The following SPATA7 variants were observed in gnomAD, a reference collection of about 807,000 sequenced individuals.
SPATA7 encodes the protein spermatogenesis-associated protein 7.
Under a neutral mutation model 51.8 loss-of-function variants are expected in SPATA7, and 43 were observed. The ratio of observed to expected loss-of-function variants is 0.83; its 90% CI spans 0.65 to 1.07. The LOEUF (loss-of-function observed/expected upper bound fraction) is 1.07, where lower values mean the gene tolerates loss of function less well. SPATA7 is among the 50% of genes least tolerant of loss of function. SPATA7 has a pLI of 0.00. For missense variants in SPATA7, 683 were observed against 701.3 expected (o/e 0.97, Z 0.30); for synonymous variants, 230 against 252.8 (o/e 0.91, Z 0.86).
chr14:88,446,105 C>A (rs1436586799), intron 3 of SPATA7, among the ~76,000 whole-genome samples: 1 of 152,156 alleles, frequency 6.6e-6, no homozygotes, highest in African/African-American at 2.4e-5. Context: ...GGCTGTGAAT[C>A]CATCTGGTCC....
At chr14:88,412,094 A>G (rs2076356582) in intron 4 of SPATA7, among the ~76,000 whole-genome samples, 1 of 151,512 alleles carries the variant, frequency 6.6e-6, no homozygotes, top group Admixed American at 6.6e-5. Context: ...TTGTGATTTT[A>G]TTTGCATTTC....
chr14:88,386,084 C>T, intron 1 of SPATA7: 10 of 1,392,486 alleles, frequency 7.2e-6, no homozygotes, highest in South Asian at 1.5e-5. Flanking sequence ...CCCCTGTCTC[C>T]TGAACTCAGG....
At chr14:88,451,202 TC>T (rs1326705047) in intron 3 of SPATA7, among the ~76,000 whole-genome samples, 2 of 152,194 alleles carry the variant, frequency 1.3e-5, no homozygotes, top group African/African-American at 2.4e-5. Context: ...GGAGATTCAC[TC>T]TTGTCGCCCA....
At chr14:88,416,190 G>C (rs889961810) in intron 4 of SPATA7, 6 of 154,542 alleles carry the variant, frequency 3.9e-5, no homozygotes, top group African/African-American at 1.4e-4. Context: ...TGCAAGAACA[G>C]TCTAACACAC....
At position 88,468,084 on chromosome 14, in the gene SPATA7, T is replaced by C. The variant is rs758790616; in HGVS notation, c.255-1763T>C. 2.5e-6 allele frequency: 4 copies of C among 1,598,130 alleles called. No individual in the cohort carries two copies. In the Admixed American group the frequency reaches 6.9e-5, roughly 27 times the overall value. On this transcript the variant is annotated intron_variant, in intron 4 of 4. Coordinates refer to the SPATA7 transcript ENST00000556406. ...AAGTATGAGTTAGGCAAGCGCTTTTTTTTTAAGCTGTAAACGCTTCACATG... is the reference window on the plus strand; with the variant it reads ...AAGTATGAGTTAGGCAAGCGCTTTTCTTTTAAGCTGTAAACGCTTCACATG...
chr14:88,442,850 C>T (rs112788894), downstream of SPATA7, among the ~76,000 whole-genome samples: 33,077 of 151,594 alleles, frequency 0.22, 3,872 homozygotes, highest in East Asian at 0.3. Context: ...GAATAGTGTC[C>T]ATAGGATTGG....
intron 4 of SPATA7, among the ~76,000 whole-genome samples, chr14:88,408,094 C>CT (rs1006809646): frequency 2.6e-5 from 4 of 151,934 alleles, no homozygotes; most frequent in Non-Finnish European, 4.4e-5. Flanking sequence ...TATACGGGCC[C>CT]TTTTTTTGGT....
chr14:88,409,091 G>T (rs80161330), intron 4 of SPATA7, among the ~76,000 whole-genome samples: 5,359 of 152,016 alleles, frequency 0.035, 310 homozygotes, highest in African/African-American at 0.12. Flanking sequence ...CTCTGCCAGG[G>T]TTTGGTATCA....
At chr14:88,392,192 T>C (rs900593340) in intron 2 of SPATA7, among the ~76,000 whole-genome samples, 23 of 152,198 alleles carry the variant, frequency 1.5e-4, no homozygotes, top group Admixed American at 1.3e-4. Flanking sequence ...AATGATAAAC[T>C]TTAAAAACTA....
intron 3 of SPATA7, among the ~76,000 whole-genome samples, chr14:88,452,581 G>A (rs2077258753): frequency 6.6e-6 from 1 of 152,104 alleles, no homozygotes; most frequent in Non-Finnish European, 1.5e-5. Flanking sequence ...AATTCTCTTG[G>A]CTTTCCTGGT....
intron 3 of SPATA7, among the ~76,000 whole-genome samples, chr14:88,449,361 C>T (rs2077235420): frequency 6.6e-6 from 1 of 152,148 alleles, no homozygotes; most frequent in South Asian, 2.1e-4. Flanking sequence ...GGTTATTGTA[C>T]TTCCATTTAT....
At chr14:88,424,791 G>A (rs1285160778) in intron 5 of SPATA7, among the ~76,000 whole-genome samples, 1 of 152,078 alleles carries the variant, frequency 6.6e-6, no homozygotes, top group Non-Finnish European at 1.5e-5. Context: ...ATACTTACTT[G>A]CTTTGAGTAA....
intron 4 of SPATA7, among the ~76,000 whole-genome samples, chr14:88,412,735 C>T (rs889401729): frequency 6.6e-6 from 1 of 152,172 alleles, no homozygotes; most frequent in Non-Finnish European, 1.5e-5. Context: ...CAAATATATT[C>T]TCCCATTCTG....
At chr14:88,460,381 C>T (rs1595321198) in intron 4 of SPATA7, among the ~76,000 whole-genome samples, 1 of 147,810 alleles carries the variant, frequency 6.8e-6, no homozygotes, top group East Asian at 2.0e-4. Flanking sequence ...CACATAGTCC[C>T]ATATTTCTTG....
chr14:88,395,972 C>T (rs1018943706), intron 3 of SPATA7, among the ~76,000 whole-genome samples, 184 bp from the exon 4 acceptor site: 23 of 151,960 alleles, frequency 1.5e-4, no homozygotes, highest in African/African-American at 5.6e-4. Context: ...CTAGTATTTT[C>T]TTCTGCAGTA....
intron 3 of SPATA7, chr14:88,455,015 A>G (rs983812919): frequency 4.4e-6 from 2 of 453,306 alleles, no homozygotes; most frequent in Middle Eastern, 3.3e-4. Flanking sequence ...CTGACTCAAA[A>G]TATTTAGATC....
At chr14:88,424,140 C>T (rs893414909) in intron 5 of SPATA7, among the ~76,000 whole-genome samples, 1 of 152,086 alleles carries the variant, frequency 6.6e-6, no homozygotes, top group Non-Finnish European at 1.5e-5. Context: ...ATTGATGAAC[C>T]CTTTTCTGAT....
At chr14:88,414,664 C>T in intron 4 of SPATA7, 1 of 405,602 alleles carries the variant, frequency 2.5e-6, no homozygotes, top group Non-Finnish European at 4.8e-6. Flanking sequence ...TTTCTGTCTT[C>T]TTGATGTAGG....
chr14:88,398,571 T>C (rs1391227423), intron 4 of SPATA7, among the ~76,000 whole-genome samples: 2 of 151,396 alleles, frequency 1.3e-5, no homozygotes, highest in East Asian at 2.0e-4. Flanking sequence ...GTGGCACATG[T>C]ATACATATGT....
Sources: allele counts gnomAD v4.1 joint callset (sites outside exome capture counted in the v4.1 genomes callset), GRCh38; gene constraint gnomAD v4.1.1; transcripts MANE v1.5; gene names NCBI Gene and HGNC (gene_info 2026-07-23, HGNC 2026-07-21).